Variants in BMP6 observed in about 807,000 individuals in gnomAD.
BMP6 encodes VG-1-R.
BMP6 carries 17 observed loss-of-function variants against 54.1 expected under a neutral mutation model. The observed-to-expected ratio is 0.31, with a 90% CI of 0.22 to 0.47. The LOEUF (loss-of-function observed/expected upper bound fraction) is 0.47. Ranked by LOEUF, BMP6 falls within the 20% of genes least tolerant of loss-of-function variation. BMP6 has a pLI of 1.00. For missense variants in BMP6, 720 were observed against 690.4 expected (o/e 1.04, Z -0.48); for synonymous variants, 328 against 291.2 (o/e 1.13, Z -1.28).
intron 1 of BMP6, among the ~76,000 whole-genome samples, chr6:7,811,583 T>C (rs1346556536): frequency 6.6e-6 from 1 of 152,212 alleles, no homozygotes; most frequent in Non-Finnish European, 1.5e-5. Context: ...ATACTGTTTA[T>C]GAAGCACTTT....
intron 1 of BMP6, among the ~76,000 whole-genome samples, chr6:7,817,827 T>C (rs374990755): frequency 6.6e-6 from 1 of 152,168 alleles, no homozygotes; most frequent in East Asian, 1.9e-4. Flanking sequence ...CTAGAACATC[T>C]CCAGTAATGA....
At chr6:7,821,835 A>G (rs1471840635) in intron 1 of BMP6, among the ~76,000 whole-genome samples, 3 of 152,220 alleles carry the variant, frequency 2.0e-5, no homozygotes, top group Admixed American at 1.3e-4. Context: ...GTCTAAGACT[A>G]TTCAACACAA....
At chr6:7,837,764 C>T (rs373762020) in intron 1 of BMP6, among the ~76,000 whole-genome samples, 10 of 151,808 alleles carry the variant, frequency 6.6e-5, no homozygotes, top group East Asian at 3.9e-4. Flanking sequence ...TAACCAAACA[C>T]GACTTGTTCC....
intron 1 of BMP6, among the ~76,000 whole-genome samples, chr6:7,784,898 T>C (rs942599209): frequency 6.6e-6 from 1 of 152,122 alleles, no homozygotes; most frequent in African/African-American, 2.4e-5. Context: ...GCTGAGGAAG[T>C]GAAAGAAGGT....
chr6:7,732,639 T>C (rs759873322), intron 1 of BMP6, among the ~76,000 whole-genome samples: 5 of 152,178 alleles, frequency 3.3e-5, no homozygotes, highest in Admixed American at 6.5e-5. Context: ...CAAATTGATA[T>C]TTTACTTGAC....
chr6:7,874,990 A>G (rs1461358680), intron 4 of BMP6, among the ~76,000 whole-genome samples: 1 of 152,194 alleles, frequency 6.6e-6, no homozygotes, highest in Non-Finnish European at 1.5e-5. Context: ...ACGGAGGCCA[A>G]GAAGTCACAT....
At chr6:7,792,149 A>G (rs998055065) in intron 1 of BMP6, among the ~76,000 whole-genome samples, 1 of 152,214 alleles carries the variant, frequency 6.6e-6, no homozygotes, top group African/African-American at 2.4e-5. Context: ...GCGGGAGGTG[A>G]TGCCAAAGTG....
At chr6:7,776,604 A>G (rs1757863259) in intron 1 of BMP6, among the ~76,000 whole-genome samples, 2 of 152,126 alleles carry the variant, frequency 1.3e-5, no homozygotes. Flanking sequence ...TCATTCCCCA[A>G]CTTTACTATT....
intron 2 of BMP6, among the ~76,000 whole-genome samples, chr6:7,857,290 C>G (rs1259344279): frequency 2.0e-5 from 3 of 152,150 alleles, no homozygotes; most frequent in East Asian, 3.8e-4. Flanking sequence ...TTGTTAAGAA[C>G]CTCATTTGCC....
chr6:7,807,559 C>G (rs565212697), intron 1 of BMP6, among the ~76,000 whole-genome samples: 7 of 151,992 alleles, frequency 4.6e-5, no homozygotes, highest in East Asian at 3.9e-4. Context: ...GATCACAGGC[C>G]TGAGCCCACG....
intron 1 of BMP6, among the ~76,000 whole-genome samples, chr6:7,752,636 A>G (rs1317290225): frequency 6.7e-6 from 1 of 149,022 alleles, no homozygotes; most frequent in Non-Finnish European, 1.5e-5. Flanking sequence ...CCAGAAAGCC[A>G]TAACTTCAGG....
At chr6:7,816,579 C>T (rs1009238494) in intron 1 of BMP6, among the ~76,000 whole-genome samples, 1 of 152,148 alleles carries the variant, frequency 6.6e-6, no homozygotes, top group Middle Eastern at 3.2e-3. Context: ...GAGAGAATCC[C>T]TTCTGGTGGA....
At chr6:7,753,504 C>G (rs1021119597) in intron 1 of BMP6, among the ~76,000 whole-genome samples, 2 of 152,176 alleles carry the variant, frequency 1.3e-5, no homozygotes, top group African/African-American at 4.8e-5. Flanking sequence ...TCGAGAAGCA[C>G]TGATCCAACC....
At position 7,727,509 on chromosome 6, in the gene BMP6, A is replaced by G. The variant is rs767954334; in HGVS notation, c.554A>G (p.Lys185Arg). The G allele has an allele frequency of 3.8e-6, 6 of 1,596,934 alleles. No homozygotes were observed. The highest frequency in any genetic ancestry group is 1.3e-5 in the African/African-American group (1 of 74,796). Reference protein sequence around the residue: ...PPGAAHPLNRKSLLAPGSGSG... With the variant: ...PPGAAHPLNRRSLLAPGSGSG... ...GGCGCCGCGCACCCGCTCAACCGCA[A>G]GAGCCTTCTGGCCCCCGGATCTGGC... The change falls in exon 1 of 7, where the codon AAG becomes AGG. Residue 185 changes from lysine to arginine, a missense_variant. Physicochemically the swap from Lys to Arg is conservative, Grantham distance 26. This residue lies in a region of BMP6 where 650 missense variants were observed against 556.3 expected (regional missense o/e 1.17). Transcript: ENST00000283147.
intron 1 of BMP6, among the ~76,000 whole-genome samples, chr6:7,815,731 A>G (rs574256294): frequency 6.6e-6 from 1 of 152,380 alleles, no homozygotes; most frequent in Admixed American, 6.5e-5. Context: ...ACACACTGTA[A>G]TTAGACCCCT....
intron 2 of BMP6, among the ~76,000 whole-genome samples, chr6:7,846,400 A>G (rs567515177): frequency 1.3e-5 from 2 of 152,350 alleles, no homozygotes; most frequent in East Asian, 3.9e-4. Context: ...GGTCTGTCAC[A>G]AATACACACA....
chr6:7,817,163 T>A (rs1758541407), intron 1 of BMP6, among the ~76,000 whole-genome samples: 1 of 152,148 alleles, frequency 6.6e-6, no homozygotes, highest in Non-Finnish European at 1.5e-5. Flanking sequence ...GTTAATGAGC[T>A]CCTTTGATTA....
At chr6:7,878,754 T>C (rs267171) in intron 4 of BMP6, among the ~76,000 whole-genome samples, 79,783 of 151,928 alleles carry the variant, frequency 0.53, 23,005 homozygotes, top group East Asian at 0.77. Context: ...CTGGCGCCTC[T>C]GGGGTGTACT....
At chr6:7,843,316 T>G (rs1426965070) in intron 1 of BMP6, among the ~76,000 whole-genome samples, 1 of 151,916 alleles carries the variant, frequency 6.6e-6, no homozygotes, top group Non-Finnish European at 1.5e-5. Flanking sequence ...TGTAATTACA[T>G]GGCAGTTTCA....
Sources: gnomAD v4.1 joint callset for allele counts (sites outside exome capture counted in the v4.1 genomes callset) on GRCh38, gnomAD v4.1.1 for gene constraint, gnomAD v4.1.1 regional missense constraint, MANE v1.5 for transcripts, NCBI Gene and HGNC (gene_info 2026-07-23, HGNC 2026-07-21) for gene names.